EHMT1: variants seen among roughly 807,000 people sequenced by gnomAD.
EHMT1 encodes the protein euchromatic histone lysine methyltransferase 1.
Under a neutral mutation model 147.2 loss-of-function variants are expected in EHMT1, and 15 were observed. The observed-to-expected ratio is 0.10, with a 90% CI of 0.07 to 0.16. The LOEUF (loss-of-function observed/expected upper bound fraction) is 0.16, where lower values mean the gene tolerates loss of function less well. Ranked by LOEUF, EHMT1 falls within the 10% of genes least tolerant of loss-of-function variation. The pLI is 1.00. For synonymous variants in EHMT1, 795 were observed against 709.6 expected (o/e 1.12, Z -1.91); for missense variants, 1,587 against 1,772.4 (o/e 0.90, Z 1.88).
intron 1 of EHMT1, among the ~76,000 whole-genome samples, chr9:137,681,144 T>A (rs1941904339): frequency 6.6e-6 from 1 of 152,168 alleles, no homozygotes; most frequent in African/African-American, 2.4e-5. Context: ...CCCAGCACAT[T>A]GGAAAGTTTT....
At chr9:137,790,518 C>G (rs1355655923) in intron 15 of EHMT1, among the ~76,000 whole-genome samples, 2 of 152,114 alleles carry the variant, frequency 1.3e-5, no homozygotes, top group East Asian at 3.9e-4. Context: ...GCTGAGGGGC[C>G]CCTCCCTCCC....
chr9:137,740,227 C>T (rs1425114099), intron 4 of EHMT1, among the ~76,000 whole-genome samples: 1 of 152,126 alleles, frequency 6.6e-6, no homozygotes, highest in African/African-American at 2.4e-5. Context: ...CTGGAACTGT[C>T]TGTTCCACAC....
At chr9:137,729,586 C>CAA (rs71944923) in intron 4 of EHMT1, among the ~76,000 whole-genome samples, 18,001 of 143,520 alleles carry the variant, frequency 0.13, 2,401 homozygotes, top group African/African-American at 0.35. Context: ...GACTCCATCT[C>CAA]AAAAAAAAAA....
At chr9:137,684,841 A>G (rs1942288028) in intron 1 of EHMT1, among the ~76,000 whole-genome samples, 1 of 152,180 alleles carries the variant, frequency 6.6e-6, no homozygotes, top group South Asian at 2.1e-4. Flanking sequence ...AACGTCAGGA[A>G]GTTTATATGT....
At chr9:137,677,737 AAC>A (rs754587363) in intron 1 of EHMT1, among the ~76,000 whole-genome samples, 8 of 152,094 alleles carry the variant, frequency 5.3e-5, no homozygotes, top group Non-Finnish European at 1.0e-4. Context: ...GTTACTATAT[AAC>A]ACAACACTGT....
chr9:137,798,477 G>A (rs536098727), intron 16 of EHMT1, among the ~76,000 whole-genome samples: 16 of 152,302 alleles, frequency 1.1e-4, no homozygotes, highest in South Asian at 2.1e-4. Context: ...AGTCCCTGGC[G>A]TTTCCGGAGC....
At chr9:137,666,194 C>T (rs901711229) in intron 1 of EHMT1, 2 of 152,360 alleles carry the variant, frequency 1.3e-5, no homozygotes, top group African/African-American at 4.8e-5. Context: ...CCAAAATAAC[C>T]CTGTTTTGCT....
Position 137,795,401 on chromosome 9 carries a change from G to A in EHMT1, c.2506-3412G>A, listed in dbSNP as rs1003327976. On this transcript the variant is annotated intron_variant, in intron 16 of 26. Coordinates refer to ENST00000460843, the MANE Select transcript of EHMT1 (RefSeq NM_024757.5). The stretch of plus-strand genomic sequence containing the variant: ...CCAGGACACCATCCTATCGCAGGGT[G>A]CACACACACACACACACACACACAC... Among the ~76,000 whole-genome samples the A allele has an allele frequency of 4.6e-5, 6 of 130,176 alleles. No individual in the cohort carries two copies. In the East Asian group the frequency reaches 1.1e-3, roughly 25 times the overall value. 85.4% of individuals were successfully genotyped at this position (130,176 alleles called of 152,430 possible).
chr9:137,722,169 C>G (rs1038879660), intron 3 of EHMT1, among the ~76,000 whole-genome samples: 1 of 152,168 alleles, frequency 6.6e-6, no homozygotes. Flanking sequence ...GCTTTTATTA[C>G]AGTCCTACTT....
In EHMT1 at chr9:137,834,396, C is replaced by T. The variant is rs1314781297; in HGVS notation, c.3588C>T (p.Ser1196=). The part of the protein sequence containing the change: ...CIDARFYGNV[S]RFINHHCEPN... The stretch of plus-strand genomic sequence containing the variant: ...ACGCGCGGTTCTACGGGAACGTCAG[C>T]CGGTTCATCAACCACCACTGCGAGC... Residue 1196 remains serine, a synonymous_variant, in exon 26 of 27, where the codon AGC becomes AGT. Transcript: ENST00000460843. 2.5e-6 allele frequency: 4 copies of T among 1,613,308 alleles called. No individual in the cohort carries two copies. In the Middle Eastern group the frequency reaches 4.9e-4, roughly 200 times the overall value.
rs548808031 is a variant in EHMT1 at position 137,699,229 on chromosome 9, T to A, written c.22-11738T>A. ...AGAAATTGTCTTTTAAAAAAGCATC[T>A]AACATCTAATGTAGTAAAGTTAAGG... On this transcript the variant is annotated intron_variant, in intron 1 of 26. Coordinates refer to ENST00000460843, the MANE Select transcript of EHMT1 (RefSeq NM_024757.5). Among the ~76,000 whole-genome samples, 4 of 152,356 alleles carry A rather than the reference T, an allele frequency of 2.6e-5. No homozygotes were observed. In the East Asian group the frequency reaches 5.8e-4, roughly 22 times the overall value.
In EHMT1 at chr9:137,677,030, T is replaced by C. The variant is rs572039336; in HGVS notation, c.22-33937T>C. ...AAGGAGCAAAATTCTCCAACGCTTT[T>C]GTTGCCCAGGCTGATCTTGAACACC... On this transcript the variant is annotated intron_variant, in intron 1 of 26. Transcript: ENST00000460843. Among the ~76,000 whole-genome samples, 12 of 152,336 alleles carry C rather than the reference T, an allele frequency of 7.9e-5. No homozygotes were observed. The South Asian group carries it at 2.5e-3, about 32-fold the overall frequency.
At chr9:137,656,902 G>A (rs922731519) in intron 1 of EHMT1, among the ~76,000 whole-genome samples, 1 of 151,970 alleles carries the variant, frequency 6.6e-6, no homozygotes, top group Non-Finnish European at 1.5e-5. Context: ...CACCACGCCT[G>A]GGTCATTTTT....
intron 19 of EHMT1, among the ~76,000 whole-genome samples, chr9:137,812,230 C>T (rs112977433): frequency 0.013 from 2,008 of 152,284 alleles, 49 homozygotes; most frequent in African/African-American, 0.045. Context: ...CCCAGCTACT[C>T]CAGAGGCTGA....
At chr9:137,722,547 G>A (rs1236033548) in intron 3 of EHMT1, among the ~76,000 whole-genome samples, 1 of 152,226 alleles carries the variant, frequency 6.6e-6, no homozygotes, top group Non-Finnish European at 1.5e-5. Context: ...GGGCAGGGCT[G>A]TGTGTGTGGG....
At chr9:137,833,395 G>A (rs893495908) in intron 25 of EHMT1, among the ~76,000 whole-genome samples, 2 of 152,232 alleles carry the variant, frequency 1.3e-5, no homozygotes, top group Non-Finnish European at 2.9e-5. Context: ...GCAGGGGTTG[G>A]GCGTGCCGGG....
intron 1 of EHMT1, among the ~76,000 whole-genome samples, chr9:137,697,616 G>C (rs1588223098): frequency 6.6e-6 from 1 of 152,218 alleles, no homozygotes; most frequent in East Asian, 1.9e-4. Context: ...TTTTCCTTTG[G>C]ATCATTTACA....
At chr9:137,805,259 T>C (rs56059998) in intron 18 of EHMT1, among the ~76,000 whole-genome samples, 21,891 of 152,158 alleles carry the variant, frequency 0.14, 5,157 homozygotes, top group African/African-American at 0.49. Flanking sequence ...GTTGTCTACA[T>C]GTAAGGGTCA....
chr9:137,731,898 T>C lies in EHMT1; in HGVS notation c.823+3369T>C, dbSNP rs1345915797. 6.6e-6 allele frequency among the ~76,000 whole-genome samples: 1 copy of C among 152,200 alleles called. No individual in the cohort carries two copies. The highest frequency in any genetic ancestry group is 1.9e-4 in the East Asian group (1 of 5,188). ...CTCTGGCTCTGTGCAGAGCTGTGGCTGGATGAGGCATACCACAAGCAGTTT... is the reference window on the plus strand; with the variant it reads ...CTCTGGCTCTGTGCAGAGCTGTGGCCGGATGAGGCATACCACAAGCAGTTT... On this transcript the variant is annotated intron_variant, in intron 4 of 26. Coordinates refer to ENST00000460843, the MANE Select transcript of EHMT1 (RefSeq NM_024757.5). The surrounding 1 kb of genome is among the most constrained non-coding windows in gnomAD (Gnocchi z 4.3).
Sources: gnomAD v4.1 joint callset for allele counts (sites outside exome capture counted in the v4.1 genomes callset) on GRCh38, gnomAD v4.1.1 for gene constraint, Gnocchi (gnomAD v3.1) non-coding constraint, MANE v1.5 for transcripts, NCBI Gene and HGNC (gene_info 2026-07-23, HGNC 2026-07-21) for gene names.